Variants in CDH9 observed in about 807,000 individuals in gnomAD.
The protein encoded by CDH9 is cadherin 9, also known as cadherin-9.
A neutral mutation model predicts 70.9 loss-of-function variants in CDH9; 28 were observed. The observed-to-expected ratio is 0.40, with a 90% CI of 0.29 to 0.54. The LOEUF (loss-of-function observed/expected upper bound fraction) is 0.54. Ranked by LOEUF, CDH9 falls within the 20% of genes least tolerant of loss-of-function variation. CDH9 has a pLI of 0.59. For synonymous variants in CDH9, 409 were observed against 343.1 expected (o/e 1.19, Z -2.12); for missense variants, 874 against 984.4 (o/e 0.89, Z 1.50).
At chr5:26,998,986 C>T (rs1026146464) in intron 1 of CDH9, among the ~76,000 whole-genome samples, 2 of 152,062 alleles carry the variant, frequency 1.3e-5, no homozygotes, top group African/African-American at 4.8e-5. Flanking sequence ...GTGGCTCATG[C>T]CTGTAATCCC....
chr5:26,933,348 G>T (rs1365661120), intron 2 of CDH9, among the ~76,000 whole-genome samples: 2 of 151,324 alleles, frequency 1.3e-5, no homozygotes, highest in African/African-American at 4.9e-5. Context: ...ATTTGTTTTT[G>T]TTAAGTCCAA....
rs541347405 is a variant in CDH9, at chr5:27,038,516, G to C, written c.-103C>G. On this transcript the variant is annotated 5_prime_UTR_variant, in exon 1 of 12. Transcript: ENST00000231021. ...CCTACTCCGCACTGACAGTTCCGTT[G>C]TTGCTTCTGTCTCGGTCCTTCTCTT... is the stretch of plus-strand genomic sequence containing the variant. 4 of 152,116 alleles carry C rather than the reference G, an allele frequency of 2.6e-5. No individual in the cohort carries two copies. The East Asian group carries it at 7.8e-4, about 30-fold the overall frequency. 9.4% of individuals were successfully genotyped at this position (152,116 alleles called of 1,614,324 possible).
At chr5:27,038,059 G>A (rs1743424427) in intron 1 of CDH9, among the ~76,000 whole-genome samples, 1 of 151,878 alleles carries the variant, frequency 6.6e-6, no homozygotes, top group Non-Finnish European at 1.5e-5. Flanking sequence ...AAAGTTATGA[G>A]AAGACCAGGA....
intron 2 of CDH9, among the ~76,000 whole-genome samples, chr5:26,916,898 G>A (rs186543324): frequency 1.3e-5 from 2 of 151,998 alleles, no homozygotes; most frequent in Non-Finnish European, 2.9e-5. Flanking sequence ...CTCACAGCCT[G>A]TCCTCTGGCC....
chr5:26,928,492 A>G (rs760459233), intron 2 of CDH9, among the ~76,000 whole-genome samples: 4 of 152,088 alleles, frequency 2.6e-5, no homozygotes, highest in Non-Finnish European at 5.9e-5. Context: ...TAGAAAAAGA[A>G]TCTTAAAATT....
At chr5:26,952,458 C>CAAAAAAAAAAAA (rs766973787) in intron 2 of CDH9, among the ~76,000 whole-genome samples, 6 of 9,968 alleles carry the variant, frequency 6.0e-4, no homozygotes, top group Non-Finnish European at 1.6e-3. Context: ...ACTAAAAATA[C>CAAAAAAAAAAAA]AAAAAAAAAA....
intron 7 of CDH9, among the ~76,000 whole-genome samples, chr5:26,900,687 T>G (rs1014396921): frequency 1.3e-5 from 2 of 152,104 alleles, no homozygotes; most frequent in Non-Finnish European, 2.9e-5. Context: ...TAATGTGTGA[T>G]TGCACTGAAA....
At chr5:26,894,310 A>G (rs1390246836) in intron 7 of CDH9, among the ~76,000 whole-genome samples, 3 of 152,090 alleles carry the variant, frequency 2.0e-5, no homozygotes, top group Non-Finnish European at 4.4e-5. Context: ...AGAGATTTTG[A>G]TGGTATTTCT....
At chr5:26,999,645 C>A (rs765594877) in intron 1 of CDH9, among the ~76,000 whole-genome samples, 4 of 152,018 alleles carry the variant, frequency 2.6e-5, no homozygotes, top group Non-Finnish European at 4.4e-5. Context: ...ATCTTCTCAA[C>A]AAATGGTGCT....
chr5:26,902,905 T>C, intron 6 of CDH9, 176 bp from the exon 7 acceptor site: 1 of 542,374 alleles, frequency 1.8e-6, no homozygotes, highest in Non-Finnish European at 3.3e-6. Flanking sequence ...GCCATACACT[T>C]ATTCACAGAG....
At chr5:26,951,296 A>AG (rs1741841363) in intron 2 of CDH9, among the ~76,000 whole-genome samples, 1 of 144,336 alleles carries the variant, frequency 6.9e-6, no homozygotes, top group Non-Finnish European at 1.5e-5. Context: ...TGTCTCAAAA[A>AG]AAAAAAAAAA....
chr5:27,038,231 T>A (rs1045688227), intron 1 of CDH9, among the ~76,000 whole-genome samples: 4 of 151,992 alleles, frequency 2.6e-5, no homozygotes, highest in African/African-American at 9.7e-5. Context: ...TGAGTAGGTA[T>A]CAGCTTTGCA....
At chr5:26,942,072 A>G (rs890300768) in intron 2 of CDH9, among the ~76,000 whole-genome samples, 2 of 152,198 alleles carry the variant, frequency 1.3e-5, no homozygotes, top group African/African-American at 2.4e-5. Context: ...TTATTAAGGA[A>G]AGAGGTTTAA....
chr5:26,933,102 T>G (rs1179162040), intron 2 of CDH9, among the ~76,000 whole-genome samples: 10 of 147,374 alleles, frequency 6.8e-5, no homozygotes, highest in Non-Finnish European at 1.2e-4. Flanking sequence ...ATTTATATTA[T>G]ACAAATATAA....
At chr5:26,954,243 A>C (rs1052723490) in intron 2 of CDH9, among the ~76,000 whole-genome samples, 6 of 152,088 alleles carry the variant, frequency 3.9e-5, no homozygotes, top group African/African-American at 1.4e-4. Context: ...CTGACTATTT[A>C]ATGTTCATTT....
In CDH9 at chr5:26,951,291, CAAAAAAAAAAAAA is replaced by C. The variant is rs796799417; in HGVS notation, c.229-35380_229-35368del. On this transcript the variant is annotated intron_variant, in intron 2 of 11. Transcript: ENST00000231021. ...TGGGTGACAGAGCAAGACTCTGTCT[CAAAAAAAAAAAAA>C]AAAAAAAAAAAAAGGTATGTGCATA... is the stretch of plus-strand genomic sequence containing the variant. Among the ~76,000 whole-genome samples, 91 of 86,198 alleles carry C rather than the reference CAAAAAAAAAAAAA, an allele frequency of 1.1e-3. 1 individual carries two copies. Among genetic ancestry groups the C allele is most frequent in the African/African-American group, 4.8e-3 (88 of 18,218 alleles). The allele number at this position is 86,198 out of a possible 152,430, so 56.5% of individuals were successfully genotyped here.
rs556489263 is a variant in CDH9, at chr5:26,926,528, A to G, written c.229-10604T>C. ...ATGGCCATACTGCCCAAGGTAATGT[A>G]TAGATTCAATGCCATCCCCATCAAG... is the stretch of plus-strand genomic sequence containing the variant. On this transcript the variant is annotated intron_variant, in intron 2 of 11. Coordinates refer to ENST00000231021, the MANE Select transcript of CDH9 (RefSeq NM_016279.4). Among the ~76,000 whole-genome samples the G allele has an allele frequency of 3.3e-3, 497 of 152,238 alleles. 1 individual carries two copies. The highest frequency in any genetic ancestry group is 5.7e-3 in the Non-Finnish European group (388 of 68,016).
chr5:26,994,511 C>T (rs74719586), intron 1 of CDH9, among the ~76,000 whole-genome samples: 1 of 150,658 alleles, frequency 6.6e-6, no homozygotes, highest in Non-Finnish European at 1.5e-5. Context: ...GCTTTTTTTC[C>T]TGTTTTTTTT....
chr5:27,022,166 A>T (rs1743148958), intron 1 of CDH9, among the ~76,000 whole-genome samples: 1 of 152,046 alleles, frequency 6.6e-6, no homozygotes, highest in Admixed American at 6.6e-5. Flanking sequence ...TTTAATACAT[A>T]AACCAATGAA....
Sources: gnomAD v4.1 joint callset for allele counts (sites outside exome capture counted in the v4.1 genomes callset) on GRCh38, gnomAD v4.1.1 for gene constraint, MANE v1.5 for transcripts, NCBI Gene and HGNC (gene_info 2026-07-23, HGNC 2026-07-21) for gene names.